Variants in POLR2H observed in about 807,000 individuals in gnomAD.
POLR2H encodes the protein DNA-directed RNA polymerases I, II, and III subunit RPABC3.
In POLR2H, 3 loss-of-function variants were observed where a neutral mutation model predicts 18.1. That is an observed-to-expected ratio of 0.17 (90% confidence interval 0.08 to 0.43). The LOEUF is 0.43. POLR2H is among the 20% of genes least tolerant of loss of function. The pLI is 0.99. For synonymous variants in POLR2H, 76 were observed against 69.0 expected, an observed-to-expected ratio of 1.10 and a Z score of -0.50; for missense variants, 103 against 184.6, an observed-to-expected ratio of 0.56 and a Z score of 2.56.
chr3:184,363,631 C>CGT (rs777405652), intron 2 of POLR2H, 66 bp downstream of exon 2: 6 of 1,282,562 alleles, frequency 4.7e-6, no homozygotes, highest in East Asian at 2.3e-5. Flanking sequence ...CCCTGGGCCC[C>CGT]GTGTCCACCC....
chr3:184,367,145 C>CTGTG (rs139867729), intron 5 of POLR2H, among the ~76,000 whole-genome samples: 236 of 48,176 alleles, frequency 4.9e-3, no homozygotes, highest in Non-Finnish European at 7.2e-3. Context: ...CTGTAAAAGG[C>CTGTG]TGTGTGTGTG....
chr3:184,365,081 C>CT (rs767450850), intron 3 of POLR2H, 32 bp downstream of exon 3: 1 of 1,578,348 alleles, frequency 6.3e-7, no homozygotes, highest in African/African-American at 1.3e-5. Flanking sequence ...TAATAAGAGA[C>CT]TTTTTGCTGC....
In POLR2H at chr3:184,362,268, G is replaced by C. The variant is rs547682625; in HGVS notation, c.-621+122G>C. On this transcript the variant is annotated intron_variant, in intron 1 of 5. Coordinates refer to ENST00000456318, the MANE Select transcript of POLR2H (RefSeq NM_006232.5). This position sits in a 1 kb window ranked among gnomAD's most constrained non-coding sequence, Gnocchi z 5.9. ...GTGCCGGGAAGTCTACTCCTGGGAC[G>C]CGGGCGTGGGTCGCTTCTCCCTGGC... is the stretch of plus-strand genomic sequence containing the variant. 2.0e-5 allele frequency: 3 copies of C among 152,386 alleles called. No individual in the cohort carries two copies. The highest frequency in any genetic ancestry group is 7.2e-5 in the African/African-American group (3 of 41,460). 9.4% of individuals were successfully genotyped at this position (152,386 alleles called of 1,614,324 possible).
intron 2 of POLR2H, among the ~76,000 whole-genome samples, chr3:184,364,131 A>C (rs7615189): frequency 6.6e-6 from 1 of 152,268 alleles, no homozygotes. Context: ...CCAAGGCTTC[A>C]CAGCGAGTAA....
intron 4 of POLR2H, among the ~76,000 whole-genome samples, chr3:184,366,109 T>A (rs1343196625): frequency 6.6e-6 from 1 of 152,174 alleles, no homozygotes; most frequent in Non-Finnish European, 1.5e-5. Flanking sequence ...GTGGGTCTTG[T>A]GTCTTGGGAG....
Position 184,368,399 on chromosome 3 carries a change from A to G in POLR2H, c.*105A>G, listed in dbSNP as rs1039284714. 20 of 928,014 alleles carry G rather than the reference A, an allele frequency of 2.2e-5. No homozygotes were observed. In the African/African-American group the frequency reaches 3.2e-4, roughly 15 times the overall value. The allele number at this position is 928,014 out of a possible 1,614,324, so 57.5% of individuals were successfully genotyped here. ...TCACCTGTTGAGGAAGGGCTGGCTC[A>G]CTGTCCACCGTGGCGGCATCTTTAA... On this transcript the variant is annotated 3_prime_UTR_variant, in exon 6 of 6. Transcript: ENST00000456318.
At chr3:184,366,559 C>G (rs564342899) in intron 4 of POLR2H, 158 bp from the exon 5 acceptor site, 1 of 496,744 alleles carries the variant, frequency 2.0e-6, no homozygotes, top group East Asian at 3.8e-5. Context: ...AGGATGGTCT[C>G]GATCTCCTGA....
At position 184,368,519 on chromosome 3, in the gene POLR2H, T is replaced by C; in HGVS notation, c.*225T>C. The C allele has an allele frequency of 2.4e-6, 1 of 411,282 alleles. No homozygotes were observed. The allele number at this position is 411,282 out of a possible 1,614,324, so 25.5% of individuals were successfully genotyped here. ...AAGCTTTATGTATATGATTTTTAAA[T>C]TAAACTTTACTTTTTCAGACTGCCC... On this transcript the variant is annotated 3_prime_UTR_variant, in exon 6 of 6. Coordinates refer to ENST00000456318, the MANE Select transcript of POLR2H (RefSeq NM_006232.5).
intron 2 of POLR2H, 28 bp downstream of exon 2, chr3:184,363,593 G>C (rs374126574): frequency 6.3e-7 from 1 of 1,592,652 alleles, no homozygotes; most frequent in Non-Finnish European, 8.6e-7. Context: ...GGGCGGTTTG[G>C]AGGAAGAGGC....
At chr3:184,365,962 C>G (rs1216227978) in intron 4 of POLR2H, among the ~76,000 whole-genome samples, 2 of 139,548 alleles carry the variant, frequency 1.4e-5, no homozygotes. Flanking sequence ...GGCGACAGAG[C>G]GAGACTCCGT....
chr3:184,363,999 C>G (rs1210210605), intron 2 of POLR2H, among the ~76,000 whole-genome samples: 1 of 152,114 alleles, frequency 6.6e-6, no homozygotes, highest in Non-Finnish European at 1.5e-5. Context: ...TGCAGTGAGC[C>G]AAGATCGCGC....
Position 184,363,027 on chromosome 3 carries a change from A to G in POLR2H, c.-466A>G. On this transcript the variant is annotated 5_prime_UTR_variant, in exon 2 of 6. Coordinates refer to ENST00000456318, the MANE Select transcript of POLR2H (RefSeq NM_006232.5). Reference sequence around the variant, plus strand: ...TCTGCTCCACCTGCCCTCGGCGCGGACTGTGCCCTCGGCGGGCACGCGGAC... The same window carrying G: ...TCTGCTCCACCTGCCCTCGGCGCGGGCTGTGCCCTCGGCGGGCACGCGGAC... 1 of 217,240 alleles carries G rather than the reference A, an allele frequency of 4.6e-6. No individual in the cohort carries two copies. The highest frequency in any genetic ancestry group is 5.1e-5 in the South Asian group (1 of 19,538). 13.5% of individuals were successfully genotyped at this position (217,240 alleles called of 1,614,324 possible). A position where few individuals can be genotyped will look rare whatever the true frequency, so the allele number is the denominator to read the frequency against.
chr3:184,366,212 G>C (rs745368738), intron 4 of POLR2H, among the ~76,000 whole-genome samples: 189 of 152,108 alleles, frequency 1.2e-3, no homozygotes, highest in Non-Finnish European at 2.4e-3. Flanking sequence ...ATCTCCTTCA[G>C]CCTGTTTCCT....
chr3:184,368,110 T>C, intron 5 of POLR2H, 67 bp from the exon 6 acceptor site: 2 of 1,612,752 alleles, frequency 1.2e-6, no homozygotes, highest in South Asian at 1.1e-5. Flanking sequence ...TTCTCTTTCT[T>C]AGGCTGAGAT....
chr3:184,365,130 C>G lies in POLR2H; in HGVS notation c.158-3C>G. On this transcript the variant is annotated splice_region_variant and splice_polypyrimidine_tract_variant and intron_variant, in intron 3 of 5. Transcript: ENST00000456318. ...TACTCTCTGATATTGCTGTTATTTT[C>G]AGGTGACAAGTTTCGGTTGGTCATA... 1 of 1,609,612 alleles carries G rather than the reference C, an allele frequency of 6.2e-7. No individual in the cohort carries two copies. Among genetic ancestry groups the G allele is most frequent in the Non-Finnish European group, 8.5e-7 (1 of 1,175,916 alleles).
intron 2 of POLR2H, 99 bp downstream of exon 2, chr3:184,363,664 C>T (rs576758398): frequency 1.6e-4 from 137 of 859,148 alleles, no homozygotes; most frequent in Middle Eastern, 9.1e-4. Context: ...CTGCCCCTAC[C>T]AGCAGGTCCT....
At chr3:184,366,597 C>A in intron 4 of POLR2H, 120 bp from the exon 5 acceptor site, 1 of 601,830 alleles carries the variant, frequency 1.7e-6, no homozygotes, top group Admixed American at 2.5e-5. Context: ...CTTGGCCTCC[C>A]AAAGTGCTGG....
intron 2 of POLR2H, chr3:184,364,714 T>C: frequency 1.8e-6 from 1 of 543,718 alleles, no homozygotes. Flanking sequence ...AGTCAGGTTC[T>C]CAGTCATCCA....
intron 5 of POLR2H, among the ~76,000 whole-genome samples, chr3:184,367,560 C>G (rs1410850106): frequency 2.0e-5 from 3 of 151,106 alleles, no homozygotes; most frequent in African/African-American, 7.3e-5. Flanking sequence ...GATCTCGGCT[C>G]ACTGCAAGCT....
Sources: gnomAD v4.1 joint callset for allele counts (sites outside exome capture counted in the v4.1 genomes callset) on GRCh38, gnomAD v4.1.1 for gene constraint, Gnocchi (gnomAD v3.1) non-coding constraint, MANE v1.5 for transcripts, NCBI Gene and HGNC (gene_info 2026-07-23, HGNC 2026-07-21) for gene names.